FLNB: variants seen among roughly 807,000 people sequenced by gnomAD.
FLNB encodes filamin-B.
In FLNB, 111 loss-of-function variants were observed where a neutral mutation model predicts 250.6. That is an observed-to-expected ratio of 0.44 (90% CI 0.38 to 0.52). The LOEUF is 0.52. Ranked by LOEUF, FLNB falls within the 20% of genes least tolerant of loss-of-function variation. The probability of loss-of-function intolerance (pLI) is 0.00; values close to 1 mark genes in which losing one functional copy is unlikely to be tolerated. For synonymous variants in FLNB, 1,302 were observed against 1,372.1 expected, an observed-to-expected ratio of 0.95 and a Z score of 1.13; for missense variants, 2,869 against 3,447.8, an observed-to-expected ratio of 0.83 and a Z score of 4.20.
intron 8 of FLNB, among the ~76,000 whole-genome samples, chr3:58,101,349 T>TC (rs1312843216): frequency 6.6e-6 from 1 of 152,192 alleles, no homozygotes; most frequent in Non-Finnish European, 1.5e-5. Flanking sequence ...CATGACATTT[T>TC]CCCCACTAGT....
At chr3:58,104,623 T>C (rs1353277379) in intron 10 of FLNB, among the ~76,000 whole-genome samples, 5 of 152,232 alleles carry the variant, frequency 3.3e-5, no homozygotes, top group African/African-American at 4.8e-5. Flanking sequence ...TTGGGCATTA[T>C]TGGGTTCCGA....
At chr3:58,158,751 A>G (rs1396514409) in intron 41 of FLNB, among the ~76,000 whole-genome samples, 1 of 152,216 alleles carries the variant, frequency 6.6e-6, no homozygotes, top group Admixed American at 6.5e-5. Context: ...AAGACAAAGT[A>G]TGGGGAGTGA....
intron 1 of FLNB, among the ~76,000 whole-genome samples, chr3:58,055,462 C>T (rs552550625): frequency 2.6e-5 from 4 of 152,042 alleles, no homozygotes; most frequent in African/African-American, 4.8e-5. Context: ...CAAGAGTCTG[C>T]GTGAGAGATG....
intron 29 of FLNB, among the ~76,000 whole-genome samples, chr3:58,140,620 T>G (rs2097325289): frequency 6.6e-6 from 1 of 152,198 alleles, no homozygotes; most frequent in South Asian, 2.1e-4. Context: ...CTTTTTTGTT[T>G]TTTTTTGAGA....
chr3:58,084,803 C>T (rs13073525), intron 4 of FLNB, among the ~76,000 whole-genome samples: 1 of 151,854 alleles, frequency 6.6e-6, no homozygotes, highest in Non-Finnish European at 1.5e-5. Context: ...TTATTCTACT[C>T]CCTGTCTCTA....
rs537533148 is a variant in FLNB, at chr3:58,138,797, A to G, written c.5109+268A>G. Among the ~76,000 whole-genome samples the G allele has an allele frequency of 3.3e-5, 5 of 152,330 alleles. No individual in the cohort carries two copies. The East Asian group carries it at 9.6e-4, about 29-fold the overall frequency. On this transcript the variant is annotated intron_variant, in intron 29 of 45. Coordinates refer to ENST00000295956, the MANE Select transcript of FLNB (RefSeq NM_001457.4). ...GCAATATCCTGGCCTAAGCCCAGGC[A>G]TTTTGAAAGATAACTCCTCAGAAAA...
At chr3:58,025,565 G>GTAGC (rs1381651903) in intron 1 of FLNB, among the ~76,000 whole-genome samples, 1 of 152,118 alleles carries the variant, frequency 6.6e-6, no homozygotes, top group Non-Finnish European at 1.5e-5. Context: ...TTGCTGCTTT[G>GTAGC]TAGCTAGCTG....
intron 25 of FLNB, chr3:58,132,278 C>G: frequency 1.2e-5 from 6 of 490,254 alleles, no homozygotes; most frequent in Non-Finnish European, 2.2e-5. Context: ...GGTCCCCTTG[C>G]CCCATGAGAT....
At position 58,109,556 on chromosome 3, in the gene FLNB, C is replaced by T; in HGVS notation, c.2200-20C>T. ...TCCAAGTGGAGGAGAACTTGATGAC[C>T]TTCTCCATGTCTTCTCTAGGTCAAC... On this transcript the variant is annotated intron_variant, in intron 14 of 45. Transcript: ENST00000295956. 1.2e-6 allele frequency: 2 copies of T among 1,614,116 alleles called. No homozygotes were observed. Among genetic ancestry groups the T allele is most frequent in the South Asian group, 2.2e-5 (2 of 91,040 alleles).
rs368884219 is a variant in FLNB at position 58,168,746 on chromosome 3, T to C, written c.7417+88T>C. 449 of 969,266 alleles carry C rather than the reference T, an allele frequency of 4.6e-4. 3 individuals are homozygous for C. The highest frequency in any genetic ancestry group is 3.5e-3 in the South Asian group (261 of 74,412). The allele number at this position is 969,266 out of a possible 1,614,324, so 60.0% of individuals were successfully genotyped here. A position where few individuals can be genotyped will look rare whatever the true frequency, so the allele number is the denominator to read the frequency against. The stretch of plus-strand genomic sequence containing the variant: ...TCATAGTGGAAACTATGGATGGTTT[T>C]AGATGTGTTAAAGCTACTTTGAACT... On this transcript the variant is annotated intron_variant, in intron 44 of 45. Transcript: ENST00000295956.
chr3:58,058,290 T>C (rs999923717), intron 1 of FLNB, among the ~76,000 whole-genome samples: 1 of 152,158 alleles, frequency 6.6e-6, no homozygotes, highest in Admixed American at 6.5e-5. Flanking sequence ...TGGCTGGAGG[T>C]TCTGAAGGTT....
chr3:58,119,815 A>G (rs777526332), intron 19 of FLNB, among the ~76,000 whole-genome samples: 4 of 152,224 alleles, frequency 2.6e-5, no homozygotes, highest in Non-Finnish European at 2.9e-5. Flanking sequence ...TTCTCTCTGC[A>G]TCTATACATA....
At chr3:58,112,031 GC>G in intron 17 of FLNB, 117 bp from the exon 18 acceptor site, 1 of 1,199,144 alleles carries the variant, frequency 8.3e-7, no homozygotes, top group Non-Finnish European at 1.2e-6. Context: ...GCAGTGGCTG[GC>G]CAGGCCCGTT....
chr3:58,032,361 C>T (rs752475147), intron 1 of FLNB, among the ~76,000 whole-genome samples: 1 of 152,192 alleles, frequency 6.6e-6, no homozygotes, highest in Non-Finnish European at 1.5e-5. Context: ...CCCCTACCCC[C>T]ACCCCAAGTG....
chr3:58,031,056 T>G (rs2097130168), intron 1 of FLNB, among the ~76,000 whole-genome samples: 1 of 152,210 alleles, frequency 6.6e-6, no homozygotes, highest in South Asian at 2.1e-4. Context: ...AGGGGAATGA[T>G]CATTACCAAA....
chr3:58,014,686 G>A (rs1484531027), intron 1 of FLNB, among the ~76,000 whole-genome samples: 7 of 152,150 alleles, frequency 4.6e-5, no homozygotes, highest in African/African-American at 1.4e-4. Context: ...TTTAGGCCCT[G>A]CCTCCAGTAG....
intron 6 of FLNB, among the ~76,000 whole-genome samples, chr3:58,096,616 C>T (rs970321348): frequency 2.0e-5 from 3 of 152,176 alleles, no homozygotes; most frequent in African/African-American, 7.2e-5. Context: ...TCAAGCGATC[C>T]TCTCACCTCA....
intron 44 of FLNB, chr3:58,168,956 CCTGATTT>C: frequency 2.7e-6 from 1 of 365,422 alleles, no homozygotes; most frequent in East Asian, 6.1e-5. Context: ...TGAAAAATCC[CCTGATTT>C]CTAATTTTCA....
In FLNB at chr3:58,169,702, G is replaced by A. The variant is rs141700862; in HGVS notation, c.7530G>A (p.Ser2510=). 254 of 1,614,030 alleles carry A rather than the reference G, an allele frequency of 1.6e-4. 2 individuals carry two copies. Among genetic ancestry groups the A allele is most frequent in the African/African-American group, 1.5e-3 (114 of 74,984 alleles). ...ATAGCGCCATTCCCAAGGCATCCTC[G>A]GACGCCAGCAAGGTGACCTCTAAGG... ...TCYSAIPKAS[S]DASKVTSKGA... is the part of the protein sequence containing the mutation. The change falls in exon 45 of 46, where the codon TCG becomes TCA. Residue 2510 remains serine (S), a synonymous_variant. Coordinates refer to ENST00000295956, the MANE Select transcript of FLNB (RefSeq NM_001457.4). The surrounding 1 kb of genome is among the most constrained non-coding windows in gnomAD (Gnocchi z 4.8).
Sources: allele counts gnomAD v4.1 joint callset (sites outside exome capture counted in the v4.1 genomes callset), GRCh38; gene constraint gnomAD v4.1.1; non-coding constraint Gnocchi (gnomAD v3.1); transcripts MANE v1.5; gene names NCBI Gene and HGNC (gene_info 2026-07-23, HGNC 2026-07-21).